The following MYOM2 variants were observed in gnomAD, a reference collection of about 807,000 sequenced individuals.
MYOM2 encodes the protein myomesin-2.
In MYOM2, 254 loss-of-function variants were observed where a neutral mutation model predicts 187.6. That is an observed-to-expected ratio of 1.35 (90% CI 1.22 to 1.50). The LOEUF (loss-of-function observed/expected upper bound fraction) is 1.50, where lower values mean the gene tolerates loss of function less well. MYOM2 is among the 40% of genes most tolerant of loss of function. The probability of loss-of-function intolerance (pLI) is 0.00; values close to 1 mark genes in which losing one functional copy is unlikely to be tolerated. For missense variants in MYOM2, 2,796 were observed against 1,924.0 expected (o/e 1.45, Z -8.48); for synonymous variants, 981 against 753.8 (o/e 1.30, Z -4.94).
At chr8:2,049,216 A>C (rs6989039) in intron 1 of MYOM2, among the ~76,000 whole-genome samples, 2,626 of 152,244 alleles carry the variant, frequency 0.017, 86 homozygotes, top group African/African-American at 0.06. Flanking sequence ...GTTGGGTTTT[A>C]AGAGGCAATA....
At chr8:2,103,064 TATGTGTGG>T (rs1796766248) in intron 21 of MYOM2, among the ~76,000 whole-genome samples, 1 of 151,786 alleles carries the variant, frequency 6.6e-6, no homozygotes, top group Non-Finnish European at 1.5e-5. Flanking sequence ...GTGCATGTAT[TATGTGTGG>T]ATGTGTGGAT....
intron 11 of MYOM2, among the ~76,000 whole-genome samples, chr8:2,077,145 A>G (rs565784240): frequency 6.6e-6 from 1 of 152,108 alleles, no homozygotes; most frequent in Admixed American, 6.6e-5. Flanking sequence ...CCCTGTCTCT[A>G]CTAAAAATAC....
In MYOM2 at chr8:2,057,301, T is replaced by A. The variant is rs563919816; in HGVS notation, c.264-47T>A. On this transcript the variant is annotated intron_variant, in intron 3 of 36. Coordinates refer to ENST00000262113, the MANE Select transcript of MYOM2 (RefSeq NM_003970.4). ...TTTCCGGCCTTCGGGGGCCACGTGG[T>A]TTTCTTCGTGACTCCTGCAACTGAG... 1.9e-6 allele frequency: 3 copies of A among 1,565,478 alleles called. No individual in the cohort carries two copies. The Admixed American group carries it at 5.9e-5, about 31-fold the overall frequency.
At chr8:2,090,645 C>A (rs899811717) in intron 15 of MYOM2, among the ~76,000 whole-genome samples, 3 of 152,060 alleles carry the variant, frequency 2.0e-5, no homozygotes, top group Non-Finnish European at 4.4e-5. Context: ...CTGATAGTCC[C>A]CCGTGTGTAT....
Position 2,140,827 on chromosome 8 carries a change from CTT to C in MYOM2, c.3908_3909del (p.Phe1303Ter), listed in dbSNP as rs773499956. The C allele has an allele frequency of 8.5e-5, 137 of 1,613,960 alleles. No homozygotes were observed. Among genetic ancestry groups the C allele is most frequent in the Non-Finnish European group, 1.1e-4 (135 of 1,179,966 alleles). On this transcript the variant is annotated frameshift_variant, in exon 33 of 37. Coordinates refer to ENST00000262113, the MANE Select transcript of MYOM2 (RefSeq NM_003970.4). LOFTEE classifies it high-confidence loss of function. ...ACTGAGAAGGATAAAGGAAAATACA[CTT>C]TTGAGATTTTCGATGGCAAAGACAA... is the stretch of plus-strand genomic sequence containing the variant.
At position 2,052,158 on chromosome 8, in the gene MYOM2, G is replaced by A; in HGVS notation, c.108G>A (p.Lys36=). 1 of 1,613,072 alleles carries A rather than the reference G, an allele frequency of 6.2e-7. No individual in the cohort carries two copies. ...RYLLDEYASK[K]RASTQASSQK... ...CCTAATCGTGTCCATGTTCCTGAAG[G>A]CGAGCTTCCACCCAGGCATCTTCCC... is the stretch of plus-strand genomic sequence containing the variant. Residue 36 remains lysine, a splice_region_variant and synonymous_variant, in exon 3 of 37, where the codon AAG becomes AAA. Coordinates refer to ENST00000262113, the MANE Select transcript of MYOM2 (RefSeq NM_003970.4).
intron 3 of MYOM2, among the ~76,000 whole-genome samples, chr8:2,054,787 C>T (rs1260682947): frequency 2.0e-5 from 3 of 152,224 alleles, no homozygotes; most frequent in Admixed American, 6.5e-5. Flanking sequence ...GTGGGATTCA[C>T]TCCCCTGTAA....
In MYOM2 at chr8:2,076,409, G is replaced by C. The variant is rs780168886; in HGVS notation, c.1262+127G>C. 4.1e-6 allele frequency: 5 copies of C among 1,234,486 alleles called. No homozygotes were observed. The Admixed American group carries it at 1.2e-4, about 29-fold the overall frequency. 76.5% of individuals were successfully genotyped at this position (1,234,486 alleles called of 1,614,324 possible). A position where few individuals can be genotyped will look rare whatever the true frequency, so the allele number is the denominator to read the frequency against. On this transcript the variant is annotated intron_variant, in intron 11 of 36. Coordinates refer to ENST00000262113, the MANE Select transcript of MYOM2 (RefSeq NM_003970.4). ...TTTTTTGATTGGCTCTAGGTACATG[G>C]CTAATTGGTTGTATAAGTTCCTATT...
intron 2 of MYOM2, among the ~76,000 whole-genome samples, chr8:2,051,816 G>C (rs901071093): frequency 6.6e-6 from 1 of 152,144 alleles, no homozygotes. Context: ...GGGTTTGCCT[G>C]TGTGCAAGTG....
In MYOM2 at chr8:2,122,222, G is replaced by A. The variant is rs1407571554; in HGVS notation, c.3454-1030G>A. ...AAGGGAATCGTCTGCTAGAGTCGTGGAGCCTCAGCCGCAGTCCATTCTAAG... is the reference window on the plus strand; with the variant it reads ...AAGGGAATCGTCTGCTAGAGTCGTGAAGCCTCAGCCGCAGTCCATTCTAAG... On this transcript the variant is annotated intron_variant, in intron 28 of 36. Transcript: ENST00000262113. 3.9e-5 allele frequency among the ~76,000 whole-genome samples: 6 copies of A among 152,226 alleles called. No homozygotes were observed. In the East Asian group the frequency reaches 1.2e-3, roughly 29 times the overall value.
At chr8:2,064,750 G>A (rs773525604) in intron 6 of MYOM2, among the ~76,000 whole-genome samples, 25 of 152,146 alleles carry the variant, frequency 1.6e-4, no homozygotes, top group Non-Finnish European at 2.6e-4. Context: ...CGTGGCCTGG[G>A]GAACACATCT....
chr8:2,112,849 A>C (rs778165538), intron 25 of MYOM2, among the ~76,000 whole-genome samples: 2 of 152,260 alleles, frequency 1.3e-5, no homozygotes, highest in Non-Finnish European at 1.5e-5. Context: ...AATTCTCTGC[A>C]GTATTGCTGC....
At position 2,123,270 on chromosome 8, in the gene MYOM2, G is replaced by T. The variant is rs1259598365; in HGVS notation, c.3472G>T (p.Glu1158Ter). 4.3e-6 allele frequency: 7 copies of T among 1,612,878 alleles called. No individual in the cohort carries two copies. The highest frequency in any genetic ancestry group is 3.3e-5 in the Admixed American group (2 of 59,724). Residue 1158 changes from glutamate to a stop codon, truncating the protein, a stop_gained, in exon 29 of 37, where the codon GAA becomes TAA. Transcript: ENST00000262113. LOFTEE classifies it high-confidence loss of function. ...CTCACAGGTTGCAAACACCAAGAAA[G>T]AAACCGTTTTCAAATGGCTCAAGGA... ...LVCKVANTKK[E>*]TVFKWLKDDV...
At chr8:2,092,557 C>A (rs376158384) in intron 16 of MYOM2, 37 bp downstream of exon 16, 2 of 1,603,920 alleles carry the variant, frequency 1.2e-6, no homozygotes. Flanking sequence ...GTCAGCCTTG[C>A]AGGAGTAGCA....
chr8:2,128,713 A>T (rs541366363), intron 31 of MYOM2, among the ~76,000 whole-genome samples: 3 of 151,310 alleles, frequency 2.0e-5, no homozygotes, highest in African/African-American at 7.3e-5. Flanking sequence ...CATCTGCTTG[A>T]CTCCCACCTG....
chr8:2,112,397 G>A lies in MYOM2; in HGVS notation c.3180+2866G>A, dbSNP rs114841967. ...GTTAAGGAGGTAGAAATCATGGGTCGGGGGGTGGGGGTCAGGGATGGGAGG... is the reference window on the plus strand; with the variant it reads ...GTTAAGGAGGTAGAAATCATGGGTCAGGGGGTGGGGGTCAGGGATGGGAGG... On this transcript the variant is annotated intron_variant, in intron 25 of 36. Coordinates refer to ENST00000262113, the MANE Select transcript of MYOM2 (RefSeq NM_003970.4). Among the ~76,000 whole-genome samples the A allele has an allele frequency of 7.3e-3, 1,108 of 151,918 alleles. 15 individuals are homozygous for A. The highest frequency in any genetic ancestry group is 0.025 in the African/African-American group (1,030 of 41,382).
intron 10 of MYOM2, among the ~76,000 whole-genome samples, chr8:2,074,612 G>A (rs1374007182): frequency 3.3e-5 from 5 of 152,062 alleles, no homozygotes; most frequent in African/African-American, 4.8e-5. Flanking sequence ...GTACCACCAC[G>A]CCCGGCTAAT....
At position 2,069,280 on chromosome 8, in the gene MYOM2, C is replaced by T. The variant is rs34823600; in HGVS notation, c.656C>T (p.Ala219Val). 0.013 allele frequency: 21,561 copies of T among 1,609,904 alleles called. 214 individuals are homozygous for T. The highest frequency in any genetic ancestry group is 0.033 in the East Asian group (1,500 of 44,790). The change falls in exon 7 of 37, where the codon GCA (alanine) becomes GTA (valine). Residue 219 changes from alanine to valine, a missense_variant and splice_region_variant. Transcript: ENST00000262113. ...TCTCTTGTTTTTTTCTCTCCAAGGG[C>T]AGACTTTGACGACACTGCGACATAC... ...YGVHTLEINR[A>V]DFDDTATYSA...
intron 36 of MYOM2, 27 bp downstream of exon 36, chr8:2,143,483 G>C (rs374522700): frequency 8.7e-6 from 14 of 1,613,986 alleles, no homozygotes; most frequent in Non-Finnish European, 1.2e-5. Flanking sequence ...CGGCCGGGGT[G>C]GGGGTGTCAG....
Sources: gnomAD v4.1 joint callset for allele counts (sites outside exome capture counted in the v4.1 genomes callset) on GRCh38, gnomAD v4.1.1 for gene constraint, MANE v1.5 for transcripts, NCBI Gene and HGNC (gene_info 2026-07-23, HGNC 2026-07-21) for gene names.